Variants in CAV1 observed in about 807,000 individuals in gnomAD.
The protein encoded by CAV1 is caveolin 1, also known as caveolin-1.
CAV1 carries 10 observed loss-of-function variants against 16.5 expected under a neutral mutation model. The observed-to-expected ratio is 0.61, with a 90% CI of 0.37 to 1.03. The LOEUF (loss-of-function observed/expected upper bound fraction) is 1.03. Ranked by LOEUF, CAV1 falls within the 50% of genes least tolerant of loss-of-function variation. The pLI is 0.01. For missense variants in CAV1, 212 were observed against 232.8 expected, an observed-to-expected ratio of 0.91 and a Z score of 0.58; for synonymous variants, 76 against 85.1, an observed-to-expected ratio of 0.89 and a Z score of 0.59.
intron 2 of CAV1, among the ~76,000 whole-genome samples, chr7:116,545,611 G>A (rs1794029486): frequency 6.6e-6 from 1 of 152,206 alleles, no homozygotes; most frequent in Non-Finnish European, 1.5e-5. Context: ...AGTAACCCTA[G>A]TTTAACTTAG....
intron 2 of CAV1, among the ~76,000 whole-genome samples, chr7:116,551,358 C>T (rs1284281531): frequency 6.6e-6 from 1 of 152,164 alleles, no homozygotes; most frequent in Non-Finnish European, 1.5e-5. Context: ...CAAGCCAATT[C>T]AGGTATATGA....
intron 2 of CAV1, among the ~76,000 whole-genome samples, chr7:116,532,272 G>C (rs1793701580): frequency 6.6e-6 from 1 of 152,124 alleles, no homozygotes; most frequent in African/African-American, 2.4e-5. Context: ...AAAACCACCT[G>C]TTTATGTATC....
intron 2 of CAV1, among the ~76,000 whole-genome samples, chr7:116,538,731 T>C (rs1461709227): frequency 1.3e-5 from 2 of 152,186 alleles, no homozygotes; most frequent in Non-Finnish European, 2.9e-5. Flanking sequence ...GATAAAGACA[T>C]ATCCGGGATT....
intron 2 of CAV1, among the ~76,000 whole-genome samples, chr7:116,557,595 C>G (rs1794315740): frequency 6.6e-6 from 1 of 152,124 alleles, no homozygotes; most frequent in Non-Finnish European, 1.5e-5. Context: ...TTTGGGTGAA[C>G]ATGTACCTGG....
intron 2 of CAV1, among the ~76,000 whole-genome samples, chr7:116,540,257 C>T (rs897061425): frequency 6.6e-6 from 1 of 152,268 alleles, no homozygotes; most frequent in East Asian, 1.9e-4. Flanking sequence ...AATAACAACA[C>T]ATTAATGACT....
chr7:116,533,080 T>C (rs984206964), intron 2 of CAV1, among the ~76,000 whole-genome samples: 1 of 152,090 alleles, frequency 6.6e-6, no homozygotes, highest in African/African-American at 2.4e-5. Context: ...AGTGACTCAC[T>C]CCTGTAATCC....
intron 2 of CAV1, among the ~76,000 whole-genome samples, chr7:116,538,962 A>G (rs998172353): frequency 1.3e-5 from 2 of 152,228 alleles, no homozygotes; most frequent in African/African-American, 2.4e-5. Flanking sequence ...CCATGATTCA[A>G]TTATCTCCCA....
chr7:116,525,149 A>G (rs1793528799), intron 1 of CAV1, 57 bp downstream of exon 1: 1 of 1,614,068 alleles, frequency 6.2e-7, no homozygotes, highest in East Asian at 2.2e-5. Context: ...CGCTTCTGCT[A>G]TCTGCCTCTC....
chr7:116,527,032 C>T, intron 2 of CAV1: 1 of 369,842 alleles, frequency 2.7e-6, no homozygotes, highest in South Asian at 2.3e-5. Flanking sequence ...TGAGATGGTT[C>T]CTATCCATTC....
chr7:116,559,057 C>T lies in CAV1; in HGVS notation c.307C>T (p.Leu103=). The change falls in exon 3 of 3, where the codon CTG becomes TTG. Residue 103 remains leucine, a synonymous_variant. Coordinates refer to ENST00000341049, the MANE Select transcript of CAV1 (RefSeq NM_001753.5). The stretch of plus-strand genomic sequence containing the variant: ...GACGAAATACTGGTTTTACCGCTTG[C>T]TGTCTGCCCTCTTTGGCATCCCGAT... The part of the protein sequence containing the change: ...TVTKYWFYRL[L]SALFGIPMAL... The T allele has an allele frequency of 1.2e-6, 2 of 1,613,884 alleles. No homozygotes were observed. The highest frequency in any genetic ancestry group is 1.1e-5 in the South Asian group (1 of 91,070).
chr7:116,557,733 A>G (rs1426777649), intron 2 of CAV1, among the ~76,000 whole-genome samples: 1 of 151,316 alleles, frequency 6.6e-6, no homozygotes, highest in Admixed American at 6.6e-5. Flanking sequence ...TTTTTTTATG[A>G]CCACCTTTCC....
chr7:116,533,540 C>T (rs1477180793), intron 2 of CAV1, among the ~76,000 whole-genome samples: 1 of 152,124 alleles, frequency 6.6e-6, no homozygotes, highest in Admixed American at 6.5e-5. Flanking sequence ...AATCTTGGCT[C>T]ACTGTATCCT....
At chr7:116,535,312 T>C (rs979167007) in intron 2 of CAV1, among the ~76,000 whole-genome samples, 2 of 152,228 alleles carry the variant, frequency 1.3e-5, no homozygotes, top group African/African-American at 4.8e-5. Flanking sequence ...GGCCTTTCCC[T>C]GATTCCTTTC....
intron 2 of CAV1, among the ~76,000 whole-genome samples, chr7:116,538,913 A>G (rs2116003723): frequency 6.6e-6 from 1 of 152,262 alleles, no homozygotes; most frequent in South Asian, 2.1e-4. Context: ...ATTTCGTGGG[A>G]CTTATCACTA....
At chr7:116,556,759 G>T (rs1362817685) in intron 2 of CAV1, among the ~76,000 whole-genome samples, 1 of 144,906 alleles carries the variant, frequency 6.9e-6, no homozygotes, top group African/African-American at 2.6e-5. Flanking sequence ...TTTTAATAAA[G>T]GTGATGGATC....
intron 2 of CAV1, among the ~76,000 whole-genome samples, chr7:116,533,167 C>G (rs1793718473): frequency 6.6e-6 from 1 of 151,840 alleles, no homozygotes; most frequent in South Asian, 2.1e-4. Flanking sequence ...CGGTGAAACC[C>G]CATCTCTATG....
chr7:116,554,807 A>T (rs1341342927), intron 2 of CAV1, among the ~76,000 whole-genome samples: 1 of 152,176 alleles, frequency 6.6e-6, no homozygotes, highest in East Asian at 1.9e-4. Flanking sequence ...GAATCATCAA[A>T]CTGGGAATAT....
chr7:116,559,237 G>A lies in CAV1; in HGVS notation c.487G>A (p.Val163Ile), dbSNP rs138143776. 1.2e-6 allele frequency: 2 copies of A among 1,613,930 alleles called. No individual in the cohort carries two copies. Among genetic ancestry groups the A allele is most frequent in the East Asian group, 2.2e-5 (1 of 44,876 alleles). The change falls in exon 3 of 3, where the codon GTT (valine) becomes ATT (isoleucine). Residue 163 changes from valine (V) to isoleucine (I), a missense_variant. Val to Ile is a conservative substitution (Grantham distance 29). Coordinates refer to ENST00000341049, the MANE Select transcript of CAV1 (RefSeq NM_001753.5). Reference sequence around the variant, plus strand: ...CGTCTGTGACCCACTCTTTGAAGCTGTTGGGAAAATATTCAGCAATGTCCG... The same window carrying A: ...CGTCTGTGACCCACTCTTTGAAGCTATTGGGAAAATATTCAGCAATGTCCG... ...HTVCDPLFEA[V>I]GKIFSNVRIN...
At chr7:116,547,239 G>A (rs1164333837) in intron 2 of CAV1, among the ~76,000 whole-genome samples, 2 of 152,060 alleles carry the variant, frequency 1.3e-5, no homozygotes, top group Non-Finnish European at 2.9e-5. Context: ...GTTGAAGGGG[G>A]CACAATTCAA....
Sources: allele counts gnomAD v4.1 joint callset (sites outside exome capture counted in the v4.1 genomes callset), GRCh38; gene constraint gnomAD v4.1.1; transcripts MANE v1.5; gene names NCBI Gene and HGNC (gene_info 2026-07-23, HGNC 2026-07-21).